Variants in SLC25A17 observed in about 807,000 individuals in gnomAD.
SLC25A17 encodes the protein peroxisomal membrane protein PMP34.
A neutral mutation model predicts 38.5 loss-of-function variants in SLC25A17; 26 were observed. The observed-to-expected ratio is 0.68, with a 90% confidence interval of 0.50 to 0.94. The LOEUF (loss-of-function observed/expected upper bound fraction) is 0.94. SLC25A17 is among the 40% of genes least tolerant of loss of function. SLC25A17 has a pLI of 0.00. For missense variants in SLC25A17, 333 were observed against 372.7 expected, an observed-to-expected ratio of 0.89 and a Z score of 0.88; for synonymous variants, 139 against 136.2, an observed-to-expected ratio of 1.02 and a Z score of -0.14.
In SLC25A17 at chr22:40,792,602, A is replaced by G. The variant is rs1200205597; in HGVS notation, c.257T>C (p.Phe86Ser). Residue 86 changes from phenylalanine (F) to serine (S), a missense_variant, in exon 4 of 9, where the codon TTT becomes TCT. Physicochemically the swap from Phe to Ser is radical, Grantham distance 155. Coordinates refer to ENST00000435456, the MANE Select transcript of SLC25A17 (RefSeq NM_006358.4). The stretch of plus-strand genomic sequence containing the variant: ...GACCCAGAGTGCTTTGAGGCTATTA[A>G]AAGTGTAGAAATAGACAAAATTGGA... ...CCSNFVYFYT[F>S]NSLKALWVKG... The G allele has an allele frequency of 3.1e-6, 5 of 1,614,024 alleles. No homozygotes were observed. In the East Asian group the frequency reaches 6.7e-5, roughly 22 times the overall value.
intron 8 of SLC25A17, among the ~76,000 whole-genome samples, chr22:40,773,324 G>A (rs2057204590): frequency 6.6e-6 from 1 of 150,972 alleles, no homozygotes; most frequent in Non-Finnish European, 1.5e-5. Flanking sequence ...GCAGGAGAAT[G>A]GTGTGAACCC....
intron 3 of SLC25A17, among the ~76,000 whole-genome samples, chr22:40,793,484 A>G (rs1167947329): frequency 6.6e-6 from 1 of 152,242 alleles, no homozygotes; most frequent in East Asian, 1.9e-4. Context: ...CAGGCAGACA[A>G]TATGTGAGTC....
intron 1 of SLC25A17, among the ~76,000 whole-genome samples, chr22:40,800,027 T>C (rs148492684): frequency 6.6e-6 from 1 of 152,350 alleles, no homozygotes; most frequent in East Asian, 1.9e-4. Flanking sequence ...ATACTTTTAT[T>C]CTGTGCTTAA....
chr22:40,796,374 C>T (rs937570377), intron 2 of SLC25A17, among the ~76,000 whole-genome samples: 1 of 152,032 alleles, frequency 6.6e-6, no homozygotes, highest in African/African-American at 2.4e-5. Context: ...CATGGTGGCT[C>T]ACGCCTGTAA....
At chr22:40,773,410 C>CAAAAA (rs59479764) in intron 8 of SLC25A17, among the ~76,000 whole-genome samples, 18 of 74,318 alleles carry the variant, frequency 2.4e-4, no homozygotes, top group African/African-American at 9.8e-4. Context: ...ACTCTGTCTC[C>CAAAAA]AAAAAAAAAA....
intron 1 of SLC25A17, among the ~76,000 whole-genome samples, chr22:40,818,323 G>A (rs907554715): frequency 6.6e-5 from 10 of 152,114 alleles, no homozygotes; most frequent in Non-Finnish European, 1.3e-4. Context: ...GAGAGGGGAA[G>A]TGTCAAGTGG....
chr22:40,797,227 A>G, intron 2 of SLC25A17: 2 of 830,336 alleles, frequency 2.4e-6, no homozygotes, highest in South Asian at 2.8e-5. Context: ...AAAATTACCC[A>G]AAAATAGTAG....
chr22:40,776,645 C>T (rs1411942486), intron 7 of SLC25A17, among the ~76,000 whole-genome samples: 3 of 152,106 alleles, frequency 2.0e-5, no homozygotes, highest in Admixed American at 1.3e-4. Context: ...GCCTATAATC[C>T]CAGCACTTTG....
At chr22:40,797,389 G>A in intron 2 of SLC25A17, 2 of 998,406 alleles carry the variant, frequency 2.0e-6, no homozygotes, top group South Asian at 2.7e-5. Context: ...CCATAAAGCT[G>A]CAAAGGCAGA....
chr22:40,807,618 G>A (rs761301942), intron 1 of SLC25A17, among the ~76,000 whole-genome samples: 18 of 152,090 alleles, frequency 1.2e-4, no homozygotes, highest in South Asian at 6.2e-4. Flanking sequence ...GTGTGGCAGC[G>A]TACACCTGTA....
chr22:40,800,225 G>T (rs2057468822), intron 1 of SLC25A17, among the ~76,000 whole-genome samples: 1 of 151,854 alleles, frequency 6.6e-6, no homozygotes, highest in African/African-American at 2.4e-5. Context: ...CCACTCATAA[G>T]GTCCTATATA....
In SLC25A17 at chr22:40,786,225, C is replaced by T. The variant is rs192850453; in HGVS notation, c.334+6300G>A. Among the ~76,000 whole-genome samples the T allele has an allele frequency of 1.1e-4, 16 of 151,898 alleles. No homozygotes were observed. The East Asian group carries it at 2.7e-3, about 26-fold the overall frequency. ...ACTAGAGAGGCTGAGGCAGGAGAATCGCTTGAACCCAGGTGGCAGAGGTTG... is the reference window on the plus strand; with the variant it reads ...ACTAGAGAGGCTGAGGCAGGAGAATTGCTTGAACCCAGGTGGCAGAGGTTG... On this transcript the variant is annotated intron_variant, in intron 4 of 8. Coordinates refer to ENST00000435456, the MANE Select transcript of SLC25A17 (RefSeq NM_006358.4).
Position 40,779,037 on chromosome 22 carries a change from A to G in SLC25A17, c.423T>C (p.Ile141=). The change falls in exon 5 of 9, where the codon ATT becomes ATC. Residue 141 remains isoleucine (I), a synonymous_variant. Coordinates refer to ENST00000435456, the MANE Select transcript of SLC25A17 (RefSeq NM_006358.4). ...TGATACCTTTGTAGTTTGTTGGTAC[A>G]ATGTCTTCATTCCTAAATTTTGCTC... ...LQGAKFRNED[I]VPTNYKGIID... 6.2e-7 allele frequency: 1 copy of G among 1,614,128 alleles called. No individual in the cohort carries two copies. Among genetic ancestry groups the G allele is most frequent in the Non-Finnish European group, 8.5e-7 (1 of 1,179,978 alleles).
chr22:40,800,187 A>G (rs2057468516), intron 1 of SLC25A17, among the ~76,000 whole-genome samples: 1 of 152,068 alleles, frequency 6.6e-6, no homozygotes, highest in African/African-American at 2.4e-5. Context: ...ATTATCAATG[A>G]AAAAAAACAA....
At chr22:40,788,904 T>G in intron 4 of SLC25A17, 1 of 274,874 alleles carries the variant, frequency 3.6e-6, no homozygotes, top group Non-Finnish European at 7.4e-6. Flanking sequence ...CTGAAATAAG[T>G]GACTCTCATG....
At chr22:40,771,727 G>T (rs936937521) in intron 8 of SLC25A17, among the ~76,000 whole-genome samples, 1 of 152,148 alleles carries the variant, frequency 6.6e-6, no homozygotes, top group African/African-American at 2.4e-5. Flanking sequence ...AGTAGTGGCG[G>T]GGGGAAGGTG....
In SLC25A17 at chr22:40,770,822, T is replaced by C. The variant is rs753653272; in HGVS notation, c.*12A>G. On this transcript the variant is annotated 3_prime_UTR_variant, in exon 9 of 9. Coordinates refer to ENST00000435456, the MANE Select transcript of SLC25A17 (RefSeq NM_006358.4). Reference sequence around the variant, plus strand: ...TCTTGAGCATCTTCGGAATTTTTCATGGGAAGGCGTCTCAGTGTTGGTGTG... The same window carrying C: ...TCTTGAGCATCTTCGGAATTTTTCACGGGAAGGCGTCTCAGTGTTGGTGTG... The C allele has an allele frequency of 6.3e-6, 10 of 1,587,352 alleles. No individual in the cohort carries two copies. Among genetic ancestry groups the C allele is most frequent in the South Asian group, 2.3e-5 (2 of 88,416 alleles).
intron 8 of SLC25A17, 147 bp downstream of exon 8, chr22:40,773,790 G>A (rs1344554285): frequency 9.0e-6 from 6 of 668,432 alleles, no homozygotes; most frequent in African/African-American, 1.8e-5. Flanking sequence ...TCCTAAAATG[G>A]GAAATGTCTA....
At chr22:40,796,865 C>A (rs1375335962) in intron 2 of SLC25A17, among the ~76,000 whole-genome samples, 1 of 152,228 alleles carries the variant, frequency 6.6e-6, no homozygotes, top group Non-Finnish European at 1.5e-5. Context: ...GAACACTCCA[C>A]GGCTGTAAGA....
Sources: allele counts gnomAD v4.1 joint callset (sites outside exome capture counted in the v4.1 genomes callset), GRCh38; gene constraint gnomAD v4.1.1; transcripts MANE v1.5; gene names NCBI Gene and HGNC (gene_info 2026-07-23, HGNC 2026-07-21).